The following ZNF892 variants were observed in gnomAD, a reference collection of about 807,000 sequenced individuals.
The protein encoded by ZNF892 is zinc finger protein 892.
chr2:95,243,931 C>T, the ZNF892 span, among the ~76,000 whole-genome samples: 6 of 152,170 alleles, frequency 3.9e-5, no homozygotes, highest in Non-Finnish European at 5.9e-5. Flanking sequence ...ATTGAGAAAT[C>T]GGATGGTTGC....
the ZNF892 span, among the ~76,000 whole-genome samples, chr2:95,251,263 T>C: frequency 6.6e-6 from 1 of 152,302 alleles, no homozygotes; most frequent in South Asian, 2.1e-4. Flanking sequence ...AACTTACTAA[T>C]TTATATAAAC....
the ZNF892 span, among the ~76,000 whole-genome samples, chr2:95,209,762 A>G: frequency 2.8e-3 from 427 of 152,270 alleles, 3 homozygotes; most frequent in African/African-American, 9.9e-3. Flanking sequence ...TTTCTTAGGG[A>G]ACTGAAGTCT....
chr2:95,261,164 G>A, the ZNF892 span, among the ~76,000 whole-genome samples: 2 of 152,194 alleles, frequency 1.3e-5, no homozygotes, highest in African/African-American at 4.8e-5. Flanking sequence ...CTGCAGGCAG[G>A]CAGAGCCCAG....
At chr2:95,252,117 G>T in the ZNF892 span, among the ~76,000 whole-genome samples, 136 of 152,024 alleles carry the variant, frequency 8.9e-4, 3 homozygotes, top group Non-Finnish European at 7.5e-4. Flanking sequence ...TAAGTTTTAG[G>T]GTACATGTGC....
At chr2:95,257,324 C>T in the ZNF892 span, among the ~76,000 whole-genome samples, 8 of 152,196 alleles carry the variant, frequency 5.3e-5, no homozygotes, top group African/African-American at 1.7e-4. Context: ...TTGGAGTTTG[C>T]TGGAGGTCTA....
At chr2:95,252,939 T>C in the ZNF892 span, among the ~76,000 whole-genome samples, 1 of 152,130 alleles carries the variant, frequency 6.6e-6, no homozygotes, top group South Asian at 2.1e-4. Flanking sequence ...GGTTGTTTGT[T>C]TTTTTCTTGT....
the ZNF892 span, among the ~76,000 whole-genome samples, chr2:95,232,909 T>C: frequency 1.2e-5 from 1 of 86,516 alleles, no homozygotes; most frequent in Non-Finnish European, 2.3e-5. Flanking sequence ...TAATGGGTAC[T>C]AAGTACAGGT....
chr2:95,260,646 C>T, the ZNF892 span, among the ~76,000 whole-genome samples: 2 of 152,192 alleles, frequency 1.3e-5, no homozygotes, highest in South Asian at 4.1e-4. Context: ...CCTGGGTTCT[C>T]ATCCTCTCTC....
the ZNF892 span, among the ~76,000 whole-genome samples, chr2:95,235,203 C>T: frequency 6.6e-5 from 10 of 152,210 alleles, no homozygotes; most frequent in African/African-American, 9.6e-5. Flanking sequence ...AATAATTGGA[C>T]GCCTAGTCTC....
chr2:95,228,399 C>T, the ZNF892 span, among the ~76,000 whole-genome samples: 8 of 152,190 alleles, frequency 5.3e-5, no homozygotes, highest in Admixed American at 5.2e-4. Flanking sequence ...CACTGCCCTC[C>T]AGCCTGGGAA....
the ZNF892 span, among the ~76,000 whole-genome samples, chr2:95,240,290 C>T: frequency 1.3e-5 from 2 of 152,150 alleles, no homozygotes; most frequent in African/African-American, 4.8e-5. Context: ...AGGCAAATGA[C>T]TTGACCCATG....
the ZNF892 span, among the ~76,000 whole-genome samples, chr2:95,255,075 T>A: frequency 1.3e-5 from 2 of 152,206 alleles, no homozygotes. Flanking sequence ...TGTCTCTATA[T>A]CCTTCAGTTC....
the ZNF892 span, among the ~76,000 whole-genome samples, chr2:95,253,678 A>G: frequency 6.6e-6 from 1 of 152,198 alleles, no homozygotes; most frequent in South Asian, 2.1e-4. Flanking sequence ...CTTGGGCAGT[A>G]TGGGCATTTT....
chr2:95,262,018 G>T, the ZNF892 span, among the ~76,000 whole-genome samples: 1 of 152,180 alleles, frequency 6.6e-6, no homozygotes, highest in African/African-American at 2.4e-5. Flanking sequence ...GAAAAGAGAA[G>T]ACATGAATTA....
the ZNF892 span, among the ~76,000 whole-genome samples, chr2:95,245,093 A>G: frequency 6.6e-6 from 1 of 152,188 alleles, no homozygotes; most frequent in Non-Finnish European, 1.5e-5. Context: ...AGCTAGAAAG[A>G]TCTGAAATTG....
the ZNF892 span, among the ~76,000 whole-genome samples, chr2:95,255,052 G>A: frequency 6.6e-6 from 1 of 152,088 alleles, no homozygotes; most frequent in Admixed American, 6.5e-5. Context: ...TGGATTTTTT[G>A]AAGGGTTTTT....
the ZNF892 span, among the ~76,000 whole-genome samples, chr2:95,255,072 A>G: frequency 6.6e-5 from 10 of 152,062 alleles, no homozygotes; most frequent in South Asian, 2.1e-4. Context: ...TTGTGTCTCT[A>G]TATCCTTCAG....
At chr2:95,245,723 G>T in the ZNF892 span, among the ~76,000 whole-genome samples, 1 of 151,910 alleles carries the variant, frequency 6.6e-6, no homozygotes, top group East Asian at 1.9e-4. Context: ...CAACGATCAA[G>T]AATACTTTAA....
the ZNF892 span, among the ~76,000 whole-genome samples, chr2:95,242,946 C>T: frequency 6.6e-6 from 1 of 152,202 alleles, no homozygotes; most frequent in Non-Finnish European, 1.5e-5. Flanking sequence ...CTGCAACCTC[C>T]CTGCCTGATT....
Sources: allele counts gnomAD v4.1 joint callset (sites outside exome capture counted in the v4.1 genomes callset), GRCh38; gene constraint gnomAD v4.1.1; transcripts MANE v1.5; gene names NCBI Gene and HGNC (gene_info 2026-07-23, HGNC 2026-07-21).